ANKHD1: variants seen among roughly 807,000 people sequenced by gnomAD.
The protein encoded by ANKHD1 is ankyrin repeat and KH domain containing 1.
A neutral mutation model predicts 230.5 loss-of-function variants in ANKHD1; 31 were observed. The ratio of observed to expected loss-of-function variants is 0.13; its 90% CI spans 0.10 to 0.18. The LOEUF (loss-of-function observed/expected upper bound fraction) is 0.18. Among genes scored for constraint, ANKHD1 ranks in the 10% least tolerant of loss-of-function variants. The probability of loss-of-function intolerance (pLI) is 1.00; values close to 1 mark genes in which losing one functional copy is unlikely to be tolerated. For missense variants in ANKHD1, 2,256 were observed against 3,071.3 expected (o/e 0.73, Z 6.27); for synonymous variants, 1,074 against 1,117.6 (o/e 0.96, Z 0.78).
intron 3 of ANKHD1, 136 bp downstream of exon 3, chr5:140,438,753 T>C: frequency 8.5e-7 from 1 of 1,175,538 alleles, no homozygotes; most frequent in Non-Finnish European, 1.1e-6. Flanking sequence ...TAAGTGGATA[T>C]ATAAATGTAT....
chr5:140,431,581 G>A (rs1320134408), intron 1 of ANKHD1, among the ~76,000 whole-genome samples: 1 of 152,166 alleles, frequency 6.6e-6, no homozygotes, highest in Non-Finnish European at 1.5e-5. Context: ...GGGGCAGATA[G>A]TGTCTTTGTT....
Position 140,526,981 on chromosome 5 carries a change from C to T in ANKHD1, c.4994C>T (p.Ser1665Leu), listed in dbSNP as rs1425020125. The change falls in exon 27 of 34, where the codon TCA becomes TTA. Residue 1665 changes from serine to leucine, a missense_variant. Physicochemically the swap from Ser to Leu is moderately radical, Grantham distance 145 (BLOSUM62 -2). This residue lies in a region of ANKHD1 where 212 missense variants were observed against 257.3 expected (regional missense o/e 0.82). Coordinates refer to ENST00000360839, the MANE Select transcript of ANKHD1 (RefSeq NM_017747.3). ...NSLSTSYKTV[S>L]LPLSSPNIKL... ...TTGTCAACCAGCTACAAGACAGTGT[C>T]ATTGCCATTAAGCTCTCCAAACATA... 6.2e-7 allele frequency: 1 copy of T among 1,613,668 alleles called. No homozygotes were observed.
rs1214970397 is a variant in ANKHD1 at position 140,513,482 on chromosome 5, G to A, written c.4317+3G>A. ...TAAAGGAACTTGATCTGGAAAAGGT[G>A]AGTGGGAAAAATAATTTTCCTTTTT... is the stretch of plus-strand genomic sequence containing the variant. On this transcript the variant is annotated splice_donor_region_variant and intron_variant, in intron 24 of 33. Coordinates refer to ENST00000360839, the MANE Select transcript of ANKHD1 (RefSeq NM_017747.3). The A allele has an allele frequency of 3.7e-6, 6 of 1,610,362 alleles. No homozygotes were observed. The Admixed American group carries it at 8.5e-5, about 23-fold the overall frequency.
At position 140,528,478 on chromosome 5, in the gene ANKHD1, A is replaced by C. The variant is rs778738901; in HGVS notation, c.5532A>C (p.Pro1844=). ...CAACAAATGTACGTTCTTCTTTCCCAGTTTCTCTACCCTTAGCTTATCCTC... is the reference window on the plus strand; with the variant it reads ...CAACAAATGTACGTTCTTCTTTCCCCGTTTCTCTACCCTTAGCTTATCCTC... The part of the protein sequence containing the change: ...NVPTNVRSSF[P]VSLPLAYPHP... The change falls in exon 29 of 34, where the codon CCA becomes CCC. Residue 1844 remains proline (P), a synonymous_variant. Coordinates refer to ENST00000360839, the MANE Select transcript of ANKHD1 (RefSeq NM_017747.3). 6.2e-6 allele frequency: 10 copies of C among 1,613,930 alleles called. No homozygotes were observed. In the African/African-American group the frequency reaches 1.3e-4, roughly 22 times the overall value.
At chr5:140,476,803 A>T (rs1750993120) in intron 10 of ANKHD1, among the ~76,000 whole-genome samples, 2 of 152,210 alleles carry the variant, frequency 1.3e-5, no homozygotes. Flanking sequence ...CAAATGTTTG[A>T]GTTTAAAAAC....
At chr5:140,466,889 G>A (rs1776132112) in intron 10 of ANKHD1, among the ~76,000 whole-genome samples, 1 of 151,462 alleles carries the variant, frequency 6.6e-6, no homozygotes, top group Non-Finnish European at 1.5e-5. Context: ...AGCTGAGATA[G>A]TGCCATTGCA....
chr5:140,483,583 G>A (rs944603248), intron 11 of ANKHD1, among the ~76,000 whole-genome samples: 3 of 148,536 alleles, frequency 2.0e-5, no homozygotes, highest in Non-Finnish European at 4.4e-5. Context: ...TCAGCCTCCC[G>A]ACTAGCTGGG....
intron 7 of ANKHD1, among the ~76,000 whole-genome samples, chr5:140,455,865 G>A (rs1422108126): frequency 6.6e-6 from 1 of 152,082 alleles, no homozygotes; most frequent in Non-Finnish European, 1.5e-5. Flanking sequence ...TTCTGGCCAG[G>A]GCAATCAGGA....
intron 1 of ANKHD1, among the ~76,000 whole-genome samples, chr5:140,412,211 T>A (rs954241753): frequency 6.6e-6 from 1 of 152,110 alleles, no homozygotes; most frequent in African/African-American, 2.4e-5. Flanking sequence ...TAATTTGTTG[T>A]ATTTTTAGTA....
Position 140,537,490 on chromosome 5 carries a change from C to T in ANKHD1, c.7129C>T (p.Arg2377Trp). 1 of 1,614,094 alleles carries T rather than the reference C, an allele frequency of 6.2e-7. No individual in the cohort carries two copies. Among genetic ancestry groups the T allele is most frequent in the Non-Finnish European group, 8.5e-7 (1 of 1,180,010 alleles). Residue 2377 changes from arginine (R) to tryptophan (W), a missense_variant, in exon 31 of 34, where the codon CGG (arginine) becomes TGG (tryptophan). Arg to Trp is a moderately radical substitution (Grantham distance 101). This residue lies in a region of ANKHD1 where 778 missense variants were observed against 966.5 expected (regional missense o/e 0.80). Coordinates refer to ENST00000360839, the MANE Select transcript of ANKHD1 (RefSeq NM_017747.3). ...TGGAACAGAGAGACTGGCCCGAATT[C>T]GGCAAGGAGGGTCTGTTGCACAAGC... Reference protein sequence around the residue: ...PIGTERLARIRQGGSVAQAPA... With the variant: ...PIGTERLARIWQGGSVAQAPA...
At chr5:140,520,798 G>C (rs929788762) in intron 24 of ANKHD1, among the ~76,000 whole-genome samples, 3 of 111,848 alleles carry the variant, frequency 2.7e-5, no homozygotes, top group African/African-American at 9.8e-5. Flanking sequence ...GGGGAGGGGG[G>C]AGGGATAGCA....
At chr5:140,452,998 A>G (rs1244056156) in intron 7 of ANKHD1, among the ~76,000 whole-genome samples, 2 of 152,218 alleles carry the variant, frequency 1.3e-5, no homozygotes, top group Non-Finnish European at 2.9e-5. Context: ...GCTAACTAGA[A>G]TAACCAGTGT....
chr5:140,461,788 A>G lies in ANKHD1; in HGVS notation c.1672+2433A>G, dbSNP rs959234611. The stretch of plus-strand genomic sequence containing the variant: ...AAAAGATAATTTTAAAAATAACCAC[A>G]ATACAATTTTCCTACCTAAAAAATT... On this transcript the variant is annotated intron_variant, in intron 9 of 33. Coordinates refer to ENST00000360839, the MANE Select transcript of ANKHD1 (RefSeq NM_017747.3). 4.6e-5 allele frequency among the ~76,000 whole-genome samples: 7 copies of G among 152,270 alleles called. No homozygotes were observed. The Middle Eastern group carries it at 0.01, about 223-fold the overall frequency.
Position 140,529,262 on chromosome 5 carries a change from A to T in ANKHD1, c.6316A>T (p.Thr2106Ser). The T allele has an allele frequency of 6.2e-7, 1 of 1,614,180 alleles. No individual in the cohort carries two copies. Among genetic ancestry groups the T allele is most frequent in the South Asian group, 1.1e-5 (1 of 91,072 alleles). ...FASNSEPAPL[T>S]LTSPRMVAAD... ...ATCTAACTCAGAACCTGCTCCATTG[A>T]CTTTGACATCACCCAGAATGGTTGC... Residue 2106 changes from threonine to serine, a missense_variant, in exon 29 of 34, where the codon ACT becomes TCT. Around this residue, in one of 13 missense-constraint regions of ANKHD1, gnomAD observed 778 missense variants for 966.5 expected, o/e 0.80. Coordinates refer to ENST00000360839, the MANE Select transcript of ANKHD1 (RefSeq NM_017747.3).
chr5:140,421,712 G>T (rs2126875079), intron 1 of ANKHD1, among the ~76,000 whole-genome samples: 1 of 152,250 alleles, frequency 6.6e-6, no homozygotes, highest in East Asian at 1.9e-4. Flanking sequence ...TTGCTCTAAT[G>T]CTTCTAGTTT....
intron 7 of ANKHD1, among the ~76,000 whole-genome samples, chr5:140,453,270 C>T (rs1219428934): frequency 2.0e-5 from 3 of 152,142 alleles, no homozygotes; most frequent in Admixed American, 2.0e-4. Flanking sequence ...GAGAATGGAA[C>T]CAAGTTGGAA....
intron 1 of ANKHD1, among the ~76,000 whole-genome samples, chr5:140,427,587 C>T (rs1250632267): frequency 2.2e-5 from 3 of 135,272 alleles, no homozygotes; most frequent in South Asian, 4.7e-4. Context: ...GGCGGCTGGC[C>T]GGGCGGGGGG....
chr5:140,441,632 A>G (rs1773856012), intron 5 of ANKHD1, among the ~76,000 whole-genome samples: 1 of 152,164 alleles, frequency 6.6e-6, no homozygotes. Flanking sequence ...GAAATCGGAG[A>G]AGTAGGTAAA....
At chr5:140,410,687 T>C (rs1485203993) in intron 1 of ANKHD1, among the ~76,000 whole-genome samples, 16 of 152,162 alleles carry the variant, frequency 1.1e-4, no homozygotes, top group Admixed American at 9.8e-4. Context: ...CCCTCTCCTA[T>C]TGCTTGTCTA....
Sources: allele counts gnomAD v4.1 joint callset (sites outside exome capture counted in the v4.1 genomes callset), GRCh38; gene constraint gnomAD v4.1.1; regional missense constraint gnomAD v4.1.1; transcripts MANE v1.5; gene names NCBI Gene and HGNC (gene_info 2026-07-23, HGNC 2026-07-21).